RGS17: variants seen among roughly 807,000 people sequenced by gnomAD.
RGS17 encodes the protein regulator of G protein signaling 17.
In RGS17, 12 loss-of-function variants were observed where a neutral mutation model predicts 25.5. The observed-to-expected ratio is 0.47, with a 90% CI of 0.30 to 0.76. RGS17 has a LOEUF of 0.76. Among genes scored for constraint, RGS17 ranks in the 30% least tolerant of loss-of-function variants. The pLI is 0.07. For synonymous variants in RGS17, 71 were observed against 76.9 expected (o/e 0.92, Z 0.40); for missense variants, 196 against 242.2 (o/e 0.81, Z 1.27).
In RGS17 at chr6:153,103,525, T is replaced by C. The variant is rs370561611; in HGVS notation, c.-26+27599A>G. On this transcript the variant is annotated intron_variant, in intron 1 of 4. Transcript: ENST00000206262. ...CCATATTATGTTAAAGTGCAGTTGCTGAGGTTGCCAGGATATTCGTCTATT... is the reference window on the plus strand; with the variant it reads ...CCATATTATGTTAAAGTGCAGTTGCCGAGGTTGCCAGGATATTCGTCTATT... 1.0e-3 allele frequency among the ~76,000 whole-genome samples: 156 copies of C among 152,270 alleles called. 2 individuals are homozygous for C. The highest frequency in any genetic ancestry group is 3.6e-3 in the African/African-American group (151 of 41,564).
chr6:153,010,544 T>C lies in RGS17; in HGVS notation c.*1030A>G, dbSNP rs1389599758. 2.6e-5 allele frequency: 4 copies of C among 152,214 alleles called. No homozygotes were observed. The highest frequency in any genetic ancestry group is 1.9e-4 in the East Asian group (1 of 5,184). 9.4% of individuals were successfully genotyped at this position (152,214 alleles called of 1,614,324 possible). A position where few individuals can be genotyped will look rare whatever the true frequency, so the allele number is the denominator to read the frequency against. On this transcript the variant is annotated 3_prime_UTR_variant, in exon 5 of 5. Coordinates refer to ENST00000206262, the MANE Select transcript of RGS17 (RefSeq NM_012419.5). ...TTCCTGGTAAAAACTTAGCTTTTCATTGGATTTCACTTTCAAGGAAAATAT... is the reference window on the plus strand; with the variant it reads ...TTCCTGGTAAAAACTTAGCTTTTCACTGGATTTCACTTTCAAGGAAAATAT...
intron 2 of RGS17, among the ~76,000 whole-genome samples, chr6:153,037,618 G>A (rs955635316): frequency 2.6e-5 from 4 of 151,418 alleles, no homozygotes; most frequent in African/African-American, 9.7e-5. Flanking sequence ...TACAGACGGG[G>A]TTTCACCATG....
chr6:153,024,103 CAT>C (rs1416099438), intron 4 of RGS17, among the ~76,000 whole-genome samples, 157 bp downstream of exon 4: 2 of 152,142 alleles, frequency 1.3e-5, no homozygotes, highest in African/African-American at 2.4e-5. Flanking sequence ...AGCCTTCAAA[CAT>C]GTGTTCAAGG....
chr6:153,015,693 G>A (rs371882410), intron 4 of RGS17, among the ~76,000 whole-genome samples: 25 of 149,036 alleles, frequency 1.7e-4, no homozygotes, highest in East Asian at 1.4e-3. Flanking sequence ...TCGCTCTGTC[G>A]CCCAGGCTGG....
chr6:153,019,534 G>C (rs909832049), intron 4 of RGS17, among the ~76,000 whole-genome samples: 10 of 152,046 alleles, frequency 6.6e-5, no homozygotes, highest in Non-Finnish European at 1.0e-4. Flanking sequence ...TGGTTCATGG[G>C]GGCAGATTTC....
At chr6:153,053,919 ATATATGTATATATATG>A (rs1209703422) in intron 1 of RGS17, among the ~76,000 whole-genome samples, 6 of 66,054 alleles carry the variant, frequency 9.1e-5, no homozygotes, top group African/African-American at 5.6e-4. Flanking sequence ...CACATTATAT[ATATATGTATATATATG>A]TATATATAAT....
chr6:153,011,823 T>C, intron 4 of RGS17, 61 bp from the exon 5 acceptor site: 2 of 1,215,728 alleles, frequency 1.6e-6, no homozygotes, highest in South Asian at 1.5e-5. Context: ...CTCAATTAAG[T>C]AACTGTAGGT....
chr6:153,126,889 T>C (rs1373630836), intron 1 of RGS17, among the ~76,000 whole-genome samples: 3 of 152,196 alleles, frequency 2.0e-5, no homozygotes, highest in African/African-American at 7.2e-5. Context: ...TCAATTTTAA[T>C]TTCTTGAGAA....
At chr6:153,034,211 T>A (rs1356232446) in intron 2 of RGS17, among the ~76,000 whole-genome samples, 1 of 152,266 alleles carries the variant, frequency 6.6e-6, no homozygotes, top group East Asian at 1.9e-4. Flanking sequence ...GGGGCTTCCT[T>A]GAGAACAGAC....
chr6:153,061,899 G>A (rs541368616), intron 1 of RGS17, among the ~76,000 whole-genome samples: 1 of 152,274 alleles, frequency 6.6e-6, no homozygotes, highest in South Asian at 2.1e-4. Flanking sequence ...GCATATGAGA[G>A]CAAACATTAT....
intron 3 of RGS17, among the ~76,000 whole-genome samples, chr6:153,025,717 T>G (rs539067522): frequency 6.8e-6 from 1 of 147,432 alleles, no homozygotes; most frequent in Non-Finnish European, 1.5e-5. Flanking sequence ...TATATAAACA[T>G]ATATATAAAC....
intron 1 of RGS17, among the ~76,000 whole-genome samples, chr6:153,123,988 G>A (rs1209993670): frequency 1.3e-5 from 2 of 152,152 alleles, no homozygotes; most frequent in East Asian, 1.9e-4. Flanking sequence ...ATACTATGGT[G>A]GAGGTTGTTA....
intron 1 of RGS17, among the ~76,000 whole-genome samples, chr6:153,123,213 A>G (rs1230632924): frequency 6.6e-6 from 1 of 152,140 alleles, no homozygotes; most frequent in Non-Finnish European, 1.5e-5. Context: ...TGATCATACT[A>G]AACTCATAGG....
chr6:153,121,275 T>G (rs2129126929), intron 1 of RGS17, among the ~76,000 whole-genome samples: 1 of 152,340 alleles, frequency 6.6e-6, no homozygotes, highest in Non-Finnish European at 1.5e-5. Flanking sequence ...CTCTCTTTCC[T>G]TTGTTGCTGC....
chr6:153,127,328 G>A (rs751732892), intron 1 of RGS17, among the ~76,000 whole-genome samples: 7 of 152,140 alleles, frequency 4.6e-5, no homozygotes, highest in East Asian at 1.9e-4. Context: ...ACAATGGTAC[G>A]TTTATATAAA....
intron 2 of RGS17, among the ~76,000 whole-genome samples, chr6:153,036,471 CCCTGCTTTT>C (rs1776243532): frequency 6.6e-6 from 1 of 152,152 alleles, no homozygotes; most frequent in Non-Finnish European, 1.5e-5. Context: ...GTCTGTAGCT[CCCTGCTTTT>C]CACCCTGGAA....
intron 1 of RGS17, among the ~76,000 whole-genome samples, chr6:153,059,656 G>T (rs1402829906): frequency 1.3e-5 from 2 of 152,128 alleles, no homozygotes; most frequent in Non-Finnish European, 2.9e-5. Flanking sequence ...CTGTAACAAG[G>T]AGCCAAGTGA....
In RGS17 at chr6:153,026,533, T is replaced by A. The variant is rs1306102902; in HGVS notation, c.130A>T (p.Arg44Trp). ...GCATTTTCCCCTCTTTCTTCATTCC[T>A]CACAGTGAGGCTGTAATGTAACAGA... ...CCCSCSCLTV[R>W]NEERGENAGR... The change falls in exon 3 of 5, where the codon AGG becomes TGG. Residue 44 changes from arginine (R) to tryptophan (W), a missense_variant. Arg to Trp is a moderately radical substitution (Grantham distance 101). Transcript: ENST00000206262. 1 of 1,612,312 alleles carries A rather than the reference T, an allele frequency of 6.2e-7. No individual in the cohort carries two copies. Among genetic ancestry groups the A allele is most frequent in the South Asian group, 1.1e-5 (1 of 90,990 alleles).
At position 153,090,189 on chromosome 6, in the gene RGS17, T is replaced by A. The variant is rs192518114; in HGVS notation, c.-26+40935A>T. Among the ~76,000 whole-genome samples the A allele has an allele frequency of 3.8e-4, 58 of 152,256 alleles. No homozygotes were observed. The East Asian group carries it at 0.011, about 28-fold the overall frequency. Reference sequence around the variant, plus strand: ...AGGAAAAGTTGGGAAACTGGTAACTTCTTGGTTACTGAAGGTGTTTGCTTC... The same window carrying A: ...AGGAAAAGTTGGGAAACTGGTAACTACTTGGTTACTGAAGGTGTTTGCTTC... On this transcript the variant is annotated intron_variant, in intron 1 of 4. Transcript: ENST00000206262.
Sources: gnomAD v4.1 joint callset for allele counts (sites outside exome capture counted in the v4.1 genomes callset) on GRCh38, gnomAD v4.1.1 for gene constraint, MANE v1.5 for transcripts, NCBI Gene and HGNC (gene_info 2026-07-23, HGNC 2026-07-21) for gene names.